Variants in YARS1 observed in about 807,000 individuals in gnomAD.
The protein encoded by YARS1 is tyrosine--tRNA ligase, cytoplasmic.
In YARS1, 36 loss-of-function variants were observed where a neutral mutation model predicts 62.2. The observed-to-expected ratio is 0.58, with a 90% CI of 0.44 to 0.76. The LOEUF is 0.76. Ranked by LOEUF, YARS1 falls within the 30% of genes least tolerant of loss-of-function variation. The pLI is 0.00. For missense variants in YARS1, 524 were observed against 639.8 expected (o/e 0.82, Z 1.95); for synonymous variants, 234 against 244.9 (o/e 0.96, Z 0.42).
Position 32,810,790 on chromosome 1 carries a change from C to T in YARS1, c.205-24G>A, listed in dbSNP as rs761847102. ...ACCTGGACAAGAGATAAGGGGCCAC[C>T]AAAATGTGAATTTGTCCAATTACCT... is the stretch of plus-strand genomic sequence containing the variant. On this transcript the variant is annotated intron_variant, in intron 2 of 12. Transcript: ENST00000373477. The T allele has an allele frequency of 6.2e-6, 10 of 1,614,104 alleles. 1 individual carries two copies. The South Asian group carries it at 1.1e-4, about 18-fold the overall frequency.
At chr1:32,812,416 C>A (rs1267269733) in intron 1 of YARS1, among the ~76,000 whole-genome samples, 1 of 152,216 alleles carries the variant, frequency 6.6e-6, no homozygotes, top group Non-Finnish European at 1.5e-5. Flanking sequence ...AAATTCCAAA[C>A]TGATTCTGGT....
intron 12 of YARS1, 26 bp downstream of exon 12, chr1:32,779,356 G>T: frequency 6.2e-7 from 1 of 1,614,180 alleles, no homozygotes; most frequent in Non-Finnish European, 8.5e-7. Flanking sequence ...GCCCAGCCAA[G>T]AAAGGGAACA....
intron 4 of YARS1, among the ~76,000 whole-genome samples, chr1:32,803,164 A>G (rs1638347390): frequency 6.6e-6 from 1 of 151,176 alleles, no homozygotes; most frequent in Non-Finnish European, 1.5e-5. Flanking sequence ...TATTTTTAGT[A>G]GAGACGGGGT....
At chr1:32,816,584 T>C (rs1454702998) in intron 1 of YARS1, among the ~76,000 whole-genome samples, 1 of 152,162 alleles carries the variant, frequency 6.6e-6, no homozygotes, top group Non-Finnish European at 1.5e-5. Flanking sequence ...CCAGCTAAAT[T>C]TGCCACAATT....
At chr1:32,814,028 C>A (rs1638642420) in intron 1 of YARS1, among the ~76,000 whole-genome samples, 1 of 152,202 alleles carries the variant, frequency 6.6e-6, no homozygotes, top group African/African-American at 2.4e-5. Context: ...TGATCCCCTT[C>A]AGTTGCTTCA....
At chr1:32,797,667 C>T (rs1653648673) in intron 5 of YARS1, 96 bp downstream of exon 5, 2 of 1,049,310 alleles carry the variant, frequency 1.9e-6, no homozygotes, top group Non-Finnish European at 3.0e-6. Flanking sequence ...ATTTACCATA[C>T]ACTATGACTA....
intron 6 of YARS1, among the ~76,000 whole-genome samples, chr1:32,788,122 CAAATT>C (rs1367949142): frequency 6.6e-6 from 1 of 152,176 alleles, no homozygotes; most frequent in Non-Finnish European, 1.5e-5. Flanking sequence ...TGCCATCTAA[CAAATT>C]AAACTATTTT....
intron 1 of YARS1, 116 bp downstream of exon 1, chr1:32,817,072 C>T: frequency 7.5e-7 from 1 of 1,334,224 alleles, no homozygotes; most frequent in Non-Finnish European, 1.1e-6. Context: ...TCTCTCAGAG[C>T]TGCGCCAGCG....
intron 1 of YARS1, 59 bp downstream of exon 1, chr1:32,817,129 A>G: frequency 6.2e-7 from 1 of 1,607,526 alleles, no homozygotes. Context: ...TGGGGCTCAA[A>G]ATCACTGAAC....
At chr1:32,806,337 T>C in intron 4 of YARS1, 145 bp downstream of exon 4, 1 of 1,284,384 alleles carries the variant, frequency 7.8e-7, no homozygotes, top group Non-Finnish European at 1.1e-6. Flanking sequence ...GCTGGTGGAC[T>C]TGCTGTACAC....
At chr1:32,790,375 T>G (rs540118307) in intron 6 of YARS1, among the ~76,000 whole-genome samples, 6 of 149,486 alleles carry the variant, frequency 4.0e-5, no homozygotes, top group Non-Finnish European at 3.0e-5. Context: ...TAGCCAGGCA[T>G]GGTGGCGGGC....
At chr1:32,781,414 C>A (rs765570910) in intron 9 of YARS1, 2 of 467,996 alleles carry the variant, frequency 4.3e-6, no homozygotes, top group Non-Finnish European at 7.9e-6. Flanking sequence ...TTCATGCATT[C>A]CACATAGAAT....
intron 11 of YARS1, 73 bp from the exon 12 acceptor site, chr1:32,779,596 C>A: frequency 6.2e-7 from 1 of 1,602,374 alleles, no homozygotes; most frequent in Non-Finnish European, 8.5e-7. Flanking sequence ...CAAAGCAATC[C>A]GGGCCTTTAC....
Position 32,807,288 on chromosome 1 carries a change from G to C in YARS1, c.381-677C>G, listed in dbSNP as rs561305748. 1.8e-3 allele frequency among the ~76,000 whole-genome samples: 270 copies of C among 152,114 alleles called. 2 individuals are homozygous for C. Among genetic ancestry groups the C allele is most frequent in the Non-Finnish European group, 3.4e-3 (234 of 68,028 alleles). Reference sequence around the variant, plus strand: ...GTTTGTTGGCTTTCTGATCAAACCTGCTTTTCCTCCTACCAACCCATATCT... The same window carrying C: ...GTTTGTTGGCTTTCTGATCAAACCTCCTTTTCCTCCTACCAACCCATATCT... On this transcript the variant is annotated intron_variant, in intron 3 of 12. Transcript: ENST00000373477.
At chr1:32,798,924 C>T (rs549875785) in intron 4 of YARS1, among the ~76,000 whole-genome samples, 1 of 152,280 alleles carries the variant, frequency 6.6e-6, no homozygotes, top group Non-Finnish European at 1.5e-5. Flanking sequence ...TAAATCAGAC[C>T]CAGACTCTCC....
chr1:32,811,102 T>C, intron 1 of YARS1, 45 bp from the exon 2 acceptor site: 1 of 1,612,612 alleles, frequency 6.2e-7, no homozygotes, highest in Non-Finnish European at 8.5e-7. Context: ...GTGCCTCACC[T>C]TGCTCATCCT....
rs1638778566 is a variant in YARS1, at chr1:32,817,314, G to T, written c.-70C>A. 6.3e-7 allele frequency: 1 copy of T among 1,592,208 alleles called. No individual in the cohort carries two copies. The highest frequency in any genetic ancestry group is 1.3e-5 in the African/African-American group (1 of 74,714). ...CCCTTCCTGGGTCACCGTCGCCGCC[G>T]CGTGCCGGGAACTGTCACGCGAGTC... On this transcript the variant is annotated 5_prime_UTR_variant, in exon 1 of 13. Transcript: ENST00000373477.
At chr1:32,804,219 T>C (rs1383643574) in intron 4 of YARS1, among the ~76,000 whole-genome samples, 1 of 152,250 alleles carries the variant, frequency 6.6e-6, no homozygotes, top group Non-Finnish European at 1.5e-5. Context: ...AAAACCGCCA[T>C]CGTCATCATG....
intron 1 of YARS1, 69 bp downstream of exon 1, chr1:32,817,119 T>C (rs1455004761): frequency 1.9e-6 from 3 of 1,595,464 alleles, no homozygotes; most frequent in Non-Finnish European, 2.6e-6. Context: ...AACCCCGTAA[T>C]GGGGCTCAAA....
Sources: gnomAD v4.1 joint callset for allele counts (sites outside exome capture counted in the v4.1 genomes callset) on GRCh38, gnomAD v4.1.1 for gene constraint, MANE v1.5 for transcripts, NCBI Gene and HGNC (gene_info 2026-07-23, HGNC 2026-07-21) for gene names.